The following PDE11A variants were observed in gnomAD, a reference collection of about 807,000 sequenced individuals.
The protein encoded by PDE11A is phosphodiesterase 11A, also known as dual 3',5'-cyclic-AMP and -GMP phosphodiesterase 11A.
A neutral mutation model predicts 100.5 loss-of-function variants in PDE11A; 100 were observed. The observed-to-expected ratio is 1.00, with a 90% CI of 0.85 to 1.18. PDE11A has a LOEUF of 1.18. Ranked by LOEUF, PDE11A falls within the 50% of genes most tolerant of loss-of-function variation. PDE11A has a pLI of 0.00. For synonymous variants in PDE11A, 381 were observed against 420.8 expected (o/e 0.91, Z 1.16); for missense variants, 1,141 against 1,152.6 (o/e 0.99, Z 0.15).
At chr2:177,826,667 A>T (rs2083230492) in intron 6 of PDE11A, among the ~76,000 whole-genome samples, 1 of 152,216 alleles carries the variant, frequency 6.6e-6, no homozygotes, top group South Asian at 2.1e-4. Context: ...CATGCAGCAA[A>T]GTCTGTTGGA....
chr2:178,097,625 G>A (rs1194518112), intron 2 of PDE11A, among the ~76,000 whole-genome samples: 1 of 152,148 alleles, frequency 6.6e-6, no homozygotes, highest in Non-Finnish European at 1.5e-5. Context: ...CCATATCATA[G>A]AGCTACAAAG....
At chr2:177,981,422 TC>T (rs1238649970) in intron 2 of PDE11A, among the ~76,000 whole-genome samples, 1 of 150,630 alleles carries the variant, frequency 6.6e-6, no homozygotes, top group African/African-American at 2.4e-5. Flanking sequence ...GTCTTCAGGT[TC>T]TGGTATCCCC....
intron 5 of PDE11A, among the ~76,000 whole-genome samples, chr2:177,843,074 G>T (rs2083517365): frequency 6.6e-6 from 1 of 152,164 alleles, no homozygotes. Context: ...TTTTAAGGAA[G>T]AAAAACTGAA....
At chr2:177,747,520 T>C (rs1203686438) in intron 10 of PDE11A, among the ~76,000 whole-genome samples, 1 of 152,210 alleles carries the variant, frequency 6.6e-6, no homozygotes, top group East Asian at 1.9e-4. Context: ...CTGGGTCTCC[T>C]ACTCTTGAAG....
intron 6 of PDE11A, among the ~76,000 whole-genome samples, chr2:177,825,407 A>C (rs925117378): frequency 2.0e-5 from 3 of 152,198 alleles, no homozygotes; most frequent in African/African-American, 7.2e-5. Flanking sequence ...GAGGAGAACA[A>C]GGAAGGATGG....
intron 10 of PDE11A, among the ~76,000 whole-genome samples, chr2:177,764,258 T>G (rs890816563): frequency 3.3e-5 from 5 of 152,176 alleles, no homozygotes; most frequent in African/African-American, 1.2e-4. Context: ...ATTGAAAACT[T>G]GAAATATGTA....
At position 177,686,697 on chromosome 2, in the gene PDE11A, A is replaced by ATTTTT. The variant is rs202225715; in HGVS notation, c.2346-5799_2346-5795dup. 117 of 124,042 alleles carry ATTTTT rather than the reference A, an allele frequency of 9.4e-4. 3 individuals are homozygous for ATTTTT. The highest frequency in any genetic ancestry group is 3.3e-3 in the African/African-American group (104 of 31,136). 7.7% of individuals were successfully genotyped at this position (124,042 alleles called of 1,614,324 possible). On this transcript the variant is annotated intron_variant, in intron 15 of 19. Coordinates refer to ENST00000286063, the MANE Select transcript of PDE11A (RefSeq NM_016953.4). Reference sequence around the variant, plus strand: ...AAAGTTTAAACCAAAGTACATGTAAATTTTTTTTTTTTTTTTTTTTTTTTT... The same window carrying ATTTTT: ...AAAGTTTAAACCAAAGTACATGTAAATTTTTTTTTTTTTTTTTTTTTTTTTTTTTT...
chr2:177,686,882 A>AT (rs564690643), intron 15 of PDE11A: 3 of 151,616 alleles, frequency 2.0e-5, no homozygotes, highest in Non-Finnish European at 4.4e-5. Context: ...TGCTCAGCTA[A>AT]TTTTTTTAAT....
chr2:177,878,897 A>C (rs1276794565), intron 4 of PDE11A, among the ~76,000 whole-genome samples: 1 of 152,232 alleles, frequency 6.6e-6, no homozygotes, highest in East Asian at 1.9e-4. Flanking sequence ...CTATATGCCC[A>C]AATTTGAGTA....
At chr2:177,857,785 C>T (rs1372210534) in intron 5 of PDE11A, among the ~76,000 whole-genome samples, 3 of 151,892 alleles carry the variant, frequency 2.0e-5, no homozygotes, top group Non-Finnish European at 4.4e-5. Context: ...ACACTGTCTA[C>T]AAGGGACATA....
intron 4 of PDE11A, among the ~76,000 whole-genome samples, chr2:177,893,225 C>G (rs1279271178): frequency 6.6e-6 from 1 of 152,178 alleles, no homozygotes; most frequent in Non-Finnish European, 1.5e-5. Flanking sequence ...CTGATTCATT[C>G]AAGCCTTTAG....
chr2:177,998,643 C>T (rs1249247584), intron 2 of PDE11A: 8 of 1,283,712 alleles, frequency 6.2e-6, no homozygotes, highest in South Asian at 2.4e-5. Context: ...AGCTGCTAAT[C>T]GTTTTTCCTT....
intron 3 of PDE11A, among the ~76,000 whole-genome samples, chr2:177,902,004 T>C (rs1398283621): frequency 1.3e-5 from 2 of 152,196 alleles, no homozygotes; most frequent in East Asian, 3.9e-4. Context: ...GTTTTACAAA[T>C]AACAATGCAG....
intron 12 of PDE11A, among the ~76,000 whole-genome samples, chr2:177,715,091 T>C (rs531185309): frequency 6.6e-6 from 1 of 152,374 alleles, no homozygotes; most frequent in East Asian, 1.9e-4. Context: ...AAGGTCTTAC[T>C]GTTTTTAAAC....
intron 19 of PDE11A, among the ~76,000 whole-genome samples, chr2:177,650,152 T>TG (rs2080286861): frequency 6.6e-6 from 1 of 152,206 alleles, no homozygotes; most frequent in Admixed American, 6.5e-5. Context: ...ACTACCTCAT[T>TG]GCTCCTCAGC....
chr2:177,981,040 C>T (rs1574321071), intron 2 of PDE11A, among the ~76,000 whole-genome samples: 1 of 148,242 alleles, frequency 6.7e-6, no homozygotes, highest in African/African-American at 2.5e-5. Context: ...AGAGTTAAAC[C>T]AATCTCAGTT....
intron 2 of PDE11A, among the ~76,000 whole-genome samples, chr2:177,924,051 T>TC (rs1415668695): frequency 6.6e-6 from 1 of 152,198 alleles, no homozygotes; most frequent in Non-Finnish European, 1.5e-5. Context: ...TACTCTAAAG[T>TC]GTAATTTATT....
intron 2 of PDE11A, among the ~76,000 whole-genome samples, chr2:177,960,383 T>C (rs1296169638): frequency 1.3e-5 from 2 of 152,054 alleles, no homozygotes; most frequent in Non-Finnish European, 2.9e-5. Flanking sequence ...ATGAAAAAAT[T>C]TCAACTACAT....
chr2:178,070,938 C>T (rs1186860274), intron 1 of PDE11A, among the ~76,000 whole-genome samples: 1 of 152,190 alleles, frequency 6.6e-6, no homozygotes, highest in Non-Finnish European at 1.5e-5. Flanking sequence ...TAAGAAGGCA[C>T]AAGTGAGTCA....
Sources: allele counts gnomAD v4.1 joint callset (sites outside exome capture counted in the v4.1 genomes callset), GRCh38; gene constraint gnomAD v4.1.1; transcripts MANE v1.5; gene names NCBI Gene and HGNC (gene_info 2026-07-23, HGNC 2026-07-21).